Variants in SOS1 observed in about 807,000 individuals in gnomAD.
SOS1 encodes the protein son of sevenless homolog 1.
SOS1 carries 25 observed loss-of-function variants against 157.6 expected under a neutral mutation model. The observed-to-expected ratio is 0.16, with a 90% CI of 0.12 to 0.22. SOS1 has a LOEUF of 0.22. Ranked by LOEUF, SOS1 falls within the 10% of genes least tolerant of loss-of-function variation. The pLI, the probability that SOS1 is intolerant of heterozygous loss-of-function variation, is 1.00. For missense variants in SOS1, 1,237 were observed against 1,599.1 expected (o/e 0.77, Z 3.86); for synonymous variants, 528 against 534.0 (o/e 0.99, Z 0.16).
At chr2:39,116,303 A>ATTCCTG (rs1673648402) in intron 1 of SOS1, among the ~76,000 whole-genome samples, 1 of 152,214 alleles carries the variant, frequency 6.6e-6, no homozygotes, top group Non-Finnish European at 1.5e-5. Context: ...AAACAAGACT[A>ATTCCTG]TTCCTGTTCC....
chr2:39,054,620 T>C lies in SOS1; in HGVS notation c.714A>G (p.Ser238=). ...TATATACAATGATACTTACATTAGC[T>C]GAAAACAATTTTGAATTGGAGACAA... The part of the protein sequence containing the change: ...EPFVSNSKLF[S]ANDVENIFSR... Residue 238 remains serine, a synonymous_variant, in exon 5 of 23, where the codon TCA becomes TCG. Coordinates refer to ENST00000402219, the MANE Select transcript of SOS1 (RefSeq NM_005633.4). The C allele has an allele frequency of 1.3e-6, 2 of 1,547,238 alleles. No homozygotes were observed. Among genetic ancestry groups the C allele is most frequent in the Non-Finnish European group, 1.8e-6 (2 of 1,120,212 alleles).
chr2:39,079,669 A>G (rs1431615953), intron 1 of SOS1, among the ~76,000 whole-genome samples: 1 of 151,482 alleles, frequency 6.6e-6, no homozygotes, highest in Non-Finnish European at 1.5e-5. Context: ...TAATTTTTGT[A>G]TTTTTAGTAG....
At chr2:39,121,459 A>G (rs1673892491), upstream of SOS1, among the ~76,000 whole-genome samples, 1 of 152,244 alleles carries the variant, frequency 6.6e-6, no homozygotes, top group South Asian at 2.1e-4. Flanking sequence ...ACTGCTCAGT[A>G]TCTGCTGAGT....
intron 2 of SOS1, among the ~76,000 whole-genome samples, chr2:39,059,579 T>C (rs865927634): frequency 7.2e-5 from 11 of 152,256 alleles, no homozygotes; most frequent in African/African-American, 2.4e-4. Context: ...CTTTTACACA[T>C]GTGTTTTGAA....
intron 6 of SOS1, among the ~76,000 whole-genome samples, chr2:39,042,302 G>T (rs1240184777): frequency 2.6e-5 from 4 of 151,918 alleles, no homozygotes; most frequent in Non-Finnish European, 5.9e-5. Flanking sequence ...ATTATCTGGG[G>T]GACAACTGGT....
chr2:39,038,748 A>AAAAAAAAAAAAAAAAAAAAAAAAAT (rs1670448330), intron 6 of SOS1, among the ~76,000 whole-genome samples: 1 of 147,638 alleles, frequency 6.8e-6, no homozygotes. Flanking sequence ...AAAAAAAAAA[A>AAAAAAAAAAAAAAAAAAAAAAAAAT]GTCGTTTCTT....
intron 1 of SOS1, among the ~76,000 whole-genome samples, chr2:39,105,173 G>C (rs1232426711): frequency 6.6e-6 from 1 of 151,842 alleles, no homozygotes; most frequent in Non-Finnish European, 1.5e-5. Context: ...AATTGTTTCA[G>C]GCATTAAAAA....
intron 16 of SOS1, among the ~76,000 whole-genome samples, chr2:39,006,780 C>T (rs1428462259): frequency 1.3e-5 from 2 of 152,112 alleles, no homozygotes; most frequent in African/African-American, 4.8e-5. Context: ...TTTAACTGTA[C>T]ATTATCTTAC....
intron 1 of SOS1, 101 bp downstream of exon 1, chr2:39,120,235 G>T: frequency 2.8e-6 from 3 of 1,071,790 alleles, no homozygotes; most frequent in Non-Finnish European, 3.8e-6. Context: ...GGCGAGACCG[G>T]GAAGAAAGAC....
intron 1 of SOS1, among the ~76,000 whole-genome samples, chr2:39,087,432 AT>A (rs1359125973): frequency 6.6e-6 from 1 of 152,220 alleles, no homozygotes; most frequent in Non-Finnish European, 1.5e-5. Context: ...GTAATTTTAC[AT>A]TTTTGTCACA....
intron 1 of SOS1, among the ~76,000 whole-genome samples, chr2:39,098,762 G>A (rs557073539): frequency 1.3e-5 from 2 of 152,208 alleles, no homozygotes; most frequent in South Asian, 2.1e-4. Flanking sequence ...GGTGGCAGGC[G>A]CCTGTGGTCC....
chr2:38,984,704 A>G lies in SOS1; in HGVS notation c.*1120T>C, dbSNP rs1225232907. 6.6e-6 allele frequency: 1 copy of G among 152,232 alleles called. No homozygotes were observed. Among genetic ancestry groups the G allele is most frequent in the African/African-American group, 2.4e-5 (1 of 41,466 alleles). The allele number at this position is 152,232 out of a possible 1,614,324, so 9.4% of individuals were successfully genotyped here. A position where few individuals can be genotyped will look rare whatever the true frequency, so the allele number is the denominator to read the frequency against. The stretch of plus-strand genomic sequence containing the variant: ...AATAAGAATCAACCATTTTCTTCAT[A>G]TAATAATTTAATATATGCCAGCCAA... On this transcript the variant is annotated 3_prime_UTR_variant, in exon 23 of 23. Transcript: ENST00000402219.
intron 1 of SOS1, among the ~76,000 whole-genome samples, chr2:39,068,189 C>T (rs557683320): frequency 6.6e-6 from 1 of 152,138 alleles, no homozygotes; most frequent in Admixed American, 6.6e-5. Flanking sequence ...TGATACTGAC[C>T]TAGAAGTCAG....
Position 39,022,908 on chromosome 2 carries a change from G to C in SOS1, c.1520C>G (p.Thr507Ser). 1 of 1,610,978 alleles carries C rather than the reference G, an allele frequency of 6.2e-7. No homozygotes were observed. Among genetic ancestry groups the C allele is most frequent in the Non-Finnish European group, 8.5e-7 (1 of 1,177,520 alleles). Residue 507 changes from threonine (T) to serine (S), a missense_variant, in exon 10 of 23, where the codon ACC becomes AGC. By Grantham distance (58) the Thr-to-Ser change is moderately conservative. Around this residue, in one of 15 missense-constraint regions of SOS1, gnomAD observed 210 missense variants for 220.2 expected, o/e 0.95. Transcript: ENST00000402219. ...RKVQINDKDD[T>S]NEYKHAFEII... ...TTCAAAAGCATGCTTGTATTCATTGGTGTCATCTTTATCATTAATTTGTAC... is the reference window on the plus strand; with the variant it reads ...TTCAAAAGCATGCTTGTATTCATTGCTGTCATCTTTATCATTAATTTGTAC...
intron 4 of SOS1, 42 bp downstream of exon 4, chr2:39,056,660 A>T (rs1341708381): frequency 1.5e-6 from 2 of 1,341,848 alleles, no homozygotes; most frequent in East Asian, 4.6e-5. Flanking sequence ...ATAAGTCATA[A>T]AAAGAAACTT....
At chr2:39,041,975 T>G (rs931488167) in intron 6 of SOS1, among the ~76,000 whole-genome samples, 1 of 152,170 alleles carries the variant, frequency 6.6e-6, no homozygotes, top group African/African-American at 2.4e-5. Flanking sequence ...ATTAATGAGT[T>G]CACTCTTTCT....
At chr2:39,038,049 A>G (rs191703394) in intron 6 of SOS1, among the ~76,000 whole-genome samples, 3 of 152,220 alleles carry the variant, frequency 2.0e-5, no homozygotes, top group Non-Finnish European at 4.4e-5. Flanking sequence ...CCCATGGATC[A>G]AGGAATAATT....
At chr2:39,088,458 T>C (rs1359086816) in intron 1 of SOS1, among the ~76,000 whole-genome samples, 1 of 151,984 alleles carries the variant, frequency 6.6e-6, no homozygotes, top group Non-Finnish European at 1.5e-5. Flanking sequence ...CCTGGAACTC[T>C]GCACCTGTTA....
chr2:39,057,521 A>G (rs10169337), intron 3 of SOS1, among the ~76,000 whole-genome samples: 120,646 of 151,978 alleles, frequency 0.79, 49,761 homozygotes, highest in Non-Finnish European at 0.91. Context: ...CATTTAAGGG[A>G]AAAAAACAAC....
Sources: allele counts gnomAD v4.1 joint callset (sites outside exome capture counted in the v4.1 genomes callset), GRCh38; gene constraint gnomAD v4.1.1; regional missense constraint gnomAD v4.1.1; transcripts MANE v1.5; gene names NCBI Gene and HGNC (gene_info 2026-07-23, HGNC 2026-07-21).